The following MYL4 variants were observed in gnomAD, a reference collection of about 807,000 sequenced individuals.
The protein encoded by MYL4 is atrial myosin light chain 1.
Under a neutral mutation model 21.6 loss-of-function variants are expected in MYL4, and 16 were observed. The ratio of observed to expected loss-of-function variants is 0.74; its 90% CI spans 0.50 to 1.12. MYL4 has a LOEUF of 1.12. Ranked by LOEUF, MYL4 falls within the 50% of genes most tolerant of loss-of-function variation. MYL4 has a pLI of 0.00. For synonymous variants in MYL4, 82 were observed against 95.7 expected (o/e 0.86, Z 0.83); for missense variants, 249 against 252.9 (o/e 0.98, Z 0.11).
At chr17:47,194,121 C>T in the MYL4 span, among the ~76,000 whole-genome samples, 1 of 152,218 alleles carries the variant, frequency 6.6e-6, no homozygotes, top group Non-Finnish European at 1.5e-5. Flanking sequence ...AGCCAGACTA[C>T]TTTTTAGAGC....
chr17:47,213,875 G>C (rs751428281), intron 2 of MYL4, 49 bp downstream of exon 2: 4 of 1,571,976 alleles, frequency 2.5e-6, no homozygotes, highest in Non-Finnish European at 3.5e-6. Context: ...CTTTCCTGGA[G>C]GAGGAGGAGG....
At chr17:47,206,232 G>T (rs2064727755), upstream of MYL4, among the ~76,000 whole-genome samples, 1 of 152,084 alleles carries the variant, frequency 6.6e-6, no homozygotes, top group African/African-American at 2.4e-5. Context: ...GATGTCTCCG[G>T]AGCCCCATTC....
downstream of MYL4, among the ~76,000 whole-genome samples, chr17:47,224,030 G>T (rs1233051246): frequency 6.6e-6 from 1 of 151,194 alleles, no homozygotes; most frequent in African/African-American, 2.4e-5. Flanking sequence ...TGCTCTTGCT[G>T]CTTTTAAACA....
At chr17:47,217,631 T>C (rs1313837702) in intron 2 of MYL4, among the ~76,000 whole-genome samples, 1 of 152,258 alleles carries the variant, frequency 6.6e-6, no homozygotes, top group Non-Finnish European at 1.5e-5. Context: ...GCATTGTTTA[T>C]GCATTTACTA....
chr17:47,205,229 A>C (rs972563302), upstream of MYL4, among the ~76,000 whole-genome samples: 2 of 152,186 alleles, frequency 1.3e-5, no homozygotes, highest in Non-Finnish European at 2.9e-5. Context: ...CATTTGGGTG[A>C]GCCTCAGCAA....
intron 5 of MYL4, 110 bp downstream of exon 5, chr17:47,222,567 T>C (rs1391905634): frequency 7.8e-6 from 7 of 892,042 alleles, no homozygotes; most frequent in African/African-American, 1.6e-5. Context: ...TGGGTTTTTG[T>C]AGACCCCCCA....
chr17:47,218,847 G>A (rs931786853), intron 2 of MYL4, among the ~76,000 whole-genome samples: 5 of 152,132 alleles, frequency 3.3e-5, no homozygotes, highest in Non-Finnish European at 7.4e-5. Context: ...TTTGAAAAAG[G>A]GACCAGGAGT....
intron 2 of MYL4, among the ~76,000 whole-genome samples, chr17:47,214,948 A>G (rs1229624715): frequency 2.6e-5 from 4 of 152,250 alleles, no homozygotes; most frequent in African/African-American, 9.6e-5. Flanking sequence ...TTTTAATTTA[A>G]TCAAGACTAT....
chr17:47,222,229 C>G, intron 4 of MYL4, 151 bp from the exon 5 acceptor site: 3 of 757,682 alleles, frequency 4.0e-6, no homozygotes, highest in Non-Finnish European at 2.3e-6. Flanking sequence ...CTTGGCCGCA[C>G]CCTTCAGAAC....
chr17:47,193,724 C>T, the MYL4 span, among the ~76,000 whole-genome samples: 1 of 151,324 alleles, frequency 6.6e-6, no homozygotes, highest in South Asian at 2.1e-4. Flanking sequence ...TCCTTCCTTC[C>T]TTCCTTCCTT....
intron 2 of MYL4, 53 bp from the exon 3 acceptor site, chr17:47,219,851 A>G: frequency 1.2e-6 from 2 of 1,611,790 alleles, no homozygotes; most frequent in Non-Finnish European, 1.7e-6. Flanking sequence ...ATTGGCCACC[A>G]GCCACCACCT....
intron 1 of MYL4, among the ~76,000 whole-genome samples, chr17:47,202,099 C>T (rs1039206256): frequency 3.9e-5 from 6 of 152,168 alleles, no homozygotes; most frequent in African/African-American, 1.2e-4. Flanking sequence ...GATTCTCCTG[C>T]CTCAGCCTCC....
At chr17:47,226,500 C>G (rs1378603476), downstream of MYL4, among the ~76,000 whole-genome samples, 1 of 152,222 alleles carries the variant, frequency 6.6e-6, no homozygotes, top group Non-Finnish European at 1.5e-5. Context: ...AGACATGGCC[C>G]CTGTCCTCAA....
At chr17:47,195,440 G>C in the MYL4 span, among the ~76,000 whole-genome samples, 12,319 of 152,094 alleles carry the variant, frequency 0.081, 570 homozygotes, top group African/African-American at 0.11. Context: ...TGTTGGTCAG[G>C]CTGGCCTCGA....
chr17:47,210,689 C>G (rs989646791), intron 1 of MYL4, among the ~76,000 whole-genome samples: 1 of 152,024 alleles, frequency 6.6e-6, no homozygotes, highest in African/African-American at 2.4e-5. Flanking sequence ...GCCGGGATAA[C>G]CCTACAAGTA....
chr17:47,223,163 G>A, intron 6 of MYL4, 106 bp downstream of exon 6: 2 of 1,196,202 alleles, frequency 1.7e-6, no homozygotes, highest in Non-Finnish European at 1.2e-6. Flanking sequence ...CCCCTTAAGA[G>A]GAAACCTCTT....
chr17:47,197,834 T>C (rs1861983671), upstream of MYL4, among the ~76,000 whole-genome samples: 3 of 152,214 alleles, frequency 2.0e-5, no homozygotes, highest in South Asian at 6.2e-4. Flanking sequence ...CTTGATATTG[T>C]CAACTGATGG....
In MYL4 at chr17:47,223,075, C is replaced by A; in HGVS notation, c.*15+18C>A. Reference sequence around the variant, plus strand: ...TCTTCCAGGTGAGTGCAGCCTCTCCCTCCTGGTCCCTTCCGGGGTCACATA... The same window carrying A: ...TCTTCCAGGTGAGTGCAGCCTCTCCATCCTGGTCCCTTCCGGGGTCACATA... On this transcript the variant is annotated intron_variant, in intron 6 of 6. Transcript: ENST00000393450. 1.2e-6 allele frequency: 2 copies of A among 1,613,866 alleles called. No individual in the cohort carries two copies. The highest frequency in any genetic ancestry group is 1.7e-6 in the Non-Finnish European group (2 of 1,179,774).
chr17:47,200,034 C>A (rs1287967295), upstream of MYL4, among the ~76,000 whole-genome samples: 1 of 150,954 alleles, frequency 6.6e-6, no homozygotes, highest in African/African-American at 2.4e-5. Flanking sequence ...AGCCACCACG[C>A]CTGGCCTCAA....
Sources: allele counts gnomAD v4.1 joint callset (sites outside exome capture counted in the v4.1 genomes callset), GRCh38; gene constraint gnomAD v4.1.1; transcripts MANE v1.5; gene names NCBI Gene and HGNC (gene_info 2026-07-23, HGNC 2026-07-21).